Variants in CBLB observed in about 807,000 individuals in gnomAD.
CBLB encodes the protein Cbl proto-oncogene B, also known as E3 ubiquitin-protein ligase CBL-B.
A neutral mutation model predicts 104.9 loss-of-function variants in CBLB; 31 were observed. The ratio of observed to expected loss-of-function variants is 0.30; its 90% CI spans 0.22 to 0.40. The LOEUF is 0.40. Among genes scored for constraint, CBLB ranks in the 10% least tolerant of loss-of-function variants. CBLB has a pLI of 1.00. For missense variants in CBLB, 1,062 were observed against 1,214.6 expected (o/e 0.87, Z 1.87); for synonymous variants, 440 against 422.6 (o/e 1.04, Z -0.51).
chr3:105,669,344 T>C (rs1000580096), intron 18 of CBLB, among the ~76,000 whole-genome samples: 4 of 152,198 alleles, frequency 2.6e-5, no homozygotes, highest in Admixed American at 2.6e-4. Context: ...TCCCTTGCCC[T>C]TGTGAGGACA....
chr3:105,713,562 A>G (rs2071409848), intron 10 of CBLB, among the ~76,000 whole-genome samples: 1 of 152,170 alleles, frequency 6.6e-6, no homozygotes, highest in Non-Finnish European at 1.5e-5. Flanking sequence ...CTAATATACT[A>G]TGTATTCAAG....
intron 12 of CBLB, among the ~76,000 whole-genome samples, chr3:105,697,404 G>A (rs1167091461): frequency 1.3e-4 from 20 of 151,964 alleles, no homozygotes; most frequent in Non-Finnish European, 2.9e-5. Flanking sequence ...GAGATACAGA[G>A]AAAACAATTT....
intron 16 of CBLB, among the ~76,000 whole-genome samples, chr3:105,680,669 G>T (rs145344577): frequency 6.6e-6 from 1 of 152,200 alleles, no homozygotes; most frequent in African/African-American, 2.4e-5. Context: ...AGTGGTACTT[G>T]TGAGAAAATG....
chr3:105,858,396 C>T (rs1172144722), intron 2 of CBLB, among the ~76,000 whole-genome samples: 1 of 152,122 alleles, frequency 6.6e-6, no homozygotes, highest in East Asian at 1.9e-4. Flanking sequence ...AATTGCTTTT[C>T]TAAAGGCAGT....
chr3:105,802,113 A>AGATT (rs1560306289), intron 3 of CBLB, among the ~76,000 whole-genome samples: 2 of 152,222 alleles, frequency 1.3e-5, no homozygotes, highest in Non-Finnish European at 2.9e-5. Flanking sequence ...TAAATCTGAA[A>AGATT]TACCCCAGGG....
chr3:105,782,724 C>T (rs897714259), intron 3 of CBLB, among the ~76,000 whole-genome samples: 4 of 151,878 alleles, frequency 2.6e-5, no homozygotes, highest in African/African-American at 9.7e-5. Flanking sequence ...GGGTGTATGC[C>T]ACCACACCTG....
At chr3:105,685,125 T>C (rs1042598961) in intron 14 of CBLB, among the ~76,000 whole-genome samples, 195 bp downstream of exon 14, 1 of 152,216 alleles carries the variant, frequency 6.6e-6, no homozygotes, top group African/African-American at 2.4e-5. Context: ...ATAAAGTGAC[T>C]TCCTGATTAA....
chr3:105,702,157 C>A lies in CBLB; in HGVS notation c.1896G>T (p.Val632=), dbSNP rs1402331512. 6.2e-7 allele frequency: 1 copy of A among 1,614,136 alleles called. No individual in the cohort carries two copies. Among genetic ancestry groups the A allele is most frequent in the East Asian group, 2.2e-5 (1 of 44,868 alleles). The part of the protein sequence containing the change: ...SSNVNGRHSR[V]GSDPVLMRKH... ...TCCGCATAAGCACTGGGTCAGAGCCCACTCTACTGTGCCTTCCATTGACAT... is the reference window on the plus strand; with the variant it reads ...TCCGCATAAGCACTGGGTCAGAGCCAACTCTACTGTGCCTTCCATTGACAT... The change falls in exon 12 of 19, where the codon GTG becomes GTT. Residue 632 remains valine, a synonymous_variant. Coordinates refer to ENST00000394030, the MANE Select transcript of CBLB (RefSeq NM_170662.5).
intron 4 of CBLB, among the ~76,000 whole-genome samples, chr3:105,757,903 G>T (rs1162777553): frequency 6.6e-6 from 1 of 152,128 alleles, no homozygotes; most frequent in Non-Finnish European, 1.5e-5. Flanking sequence ...AATGTTGTCA[G>T]AAAATTCACC....
chr3:105,829,164 A>T (rs769127322), intron 3 of CBLB, among the ~76,000 whole-genome samples: 2 of 152,192 alleles, frequency 1.3e-5, no homozygotes, highest in African/African-American at 2.4e-5. Context: ...AAAAAAAATT[A>T]AAAATGCCCA....
intron 6 of CBLB, among the ~76,000 whole-genome samples, chr3:105,740,911 C>T (rs961241965): frequency 2.0e-5 from 3 of 151,940 alleles, no homozygotes; most frequent in Non-Finnish European, 1.5e-5. Flanking sequence ...CCATCATCAT[C>T]AGGATGCGGT....
At chr3:105,723,010 G>A (rs1386797800) in intron 9 of CBLB, among the ~76,000 whole-genome samples, 1 of 152,132 alleles carries the variant, frequency 6.6e-6, no homozygotes, top group Non-Finnish European at 1.5e-5. Flanking sequence ...TCAACAAACA[G>A]CTGCAATGAC....
chr3:105,675,981 A>G (rs1278998343), intron 17 of CBLB, among the ~76,000 whole-genome samples: 1 of 138,996 alleles, frequency 7.2e-6, no homozygotes, highest in Non-Finnish European at 1.6e-5. Flanking sequence ...GAAACAAAAA[A>G]GTTGCCTTTT....
intron 10 of CBLB, among the ~76,000 whole-genome samples, chr3:105,705,972 C>T (rs935280153): frequency 6.6e-6 from 1 of 151,944 alleles, no homozygotes; most frequent in African/African-American, 2.4e-5. Flanking sequence ...CTCCTCTTTA[C>T]TAATTTTTTA....
intron 11 of CBLB, 135 bp from the exon 12 acceptor site, chr3:105,702,594 GC>G (rs1225621441): frequency 2.2e-6 from 2 of 896,848 alleles, no homozygotes; most frequent in Non-Finnish European, 3.3e-6. Context: ...AGATTCCTGT[GC>G]CATCTTTTAA....
At chr3:105,859,662 C>A (rs1266720436) in intron 2 of CBLB, among the ~76,000 whole-genome samples, 5 of 94,206 alleles carry the variant, frequency 5.3e-5, no homozygotes, top group African/African-American at 1.6e-4. Flanking sequence ...GACTCCGTGT[C>A]AAAAAAAAAA....
At chr3:105,774,568 T>G (rs141557967) in intron 4 of CBLB, among the ~76,000 whole-genome samples, 1 of 152,044 alleles carries the variant, frequency 6.6e-6, no homozygotes, top group Non-Finnish European at 1.5e-5. Flanking sequence ...ACTTGGGAGG[T>G]AGGGAAAGTA....
chr3:105,819,587 T>C (rs1232097236), intron 3 of CBLB, among the ~76,000 whole-genome samples: 1 of 152,190 alleles, frequency 6.6e-6, no homozygotes, highest in Non-Finnish European at 1.5e-5. Context: ...TAGTATTTTG[T>C]TGTTTTGTTT....
intron 4 of CBLB, among the ~76,000 whole-genome samples, chr3:105,763,087 G>A (rs773301992): frequency 1.3e-5 from 2 of 152,204 alleles, no homozygotes; most frequent in Non-Finnish European, 2.9e-5. Flanking sequence ...TGTGGGGCCT[G>A]TAGACCCTTT....
Sources: allele counts gnomAD v4.1 joint callset (sites outside exome capture counted in the v4.1 genomes callset), GRCh38; gene constraint gnomAD v4.1.1; transcripts MANE v1.5; gene names NCBI Gene and HGNC (gene_info 2026-07-23, HGNC 2026-07-21).